GSE1: variants seen among roughly 807,000 people sequenced by gnomAD.
GSE1 encodes the protein Gse1 coiled-coil protein.
GSE1 carries 32 observed loss-of-function variants against 112.6 expected under a neutral mutation model. The ratio of observed to expected loss-of-function variants is 0.28; its 90% CI spans 0.21 to 0.38. The LOEUF is 0.38. Among genes scored for constraint, GSE1 ranks in the 10% least tolerant of loss-of-function variants. The pLI is 1.00. For synonymous variants in GSE1, 1,115 were observed against 735.6 expected, an observed-to-expected ratio of 1.52 and a Z score of -8.35; for missense variants, 2,348 against 1,699.2, an observed-to-expected ratio of 1.38 and a Z score of -6.71.
At position 85,204,871 on chromosome 16, in the gene GSE1, G is replaced by A. The variant is rs111816756; in HGVS notation, c.2283+33064G>A. Among the ~76,000 whole-genome samples the A allele has an allele frequency of 4.0e-3, 605 of 152,312 alleles. 3 individuals carry two copies. Among genetic ancestry groups the A allele is most frequent in the African/African-American group, 0.014 (577 of 41,554 alleles). ...TGTGCTCACAGCTGTTTACAGGGTC[G>A]TCCGCCTAGGGCCTGGGACTGGGGA... On this transcript the variant is annotated intron_variant, in intron 1 of 2. Coordinates refer to the GSE1 transcript ENST00000637419.
chr16:85,274,766 G>A (rs754217160), intron 1 of GSE1, among the ~76,000 whole-genome samples: 3 of 152,228 alleles, frequency 2.0e-5, no homozygotes, highest in East Asian at 1.9e-4. Flanking sequence ...CAGCCTGCAC[G>A]TCCAGCCACT....
chr16:85,613,363 C>T lies in GSE1; in HGVS notation c.-29C>T, dbSNP rs766811967. On this transcript the variant is annotated 5_prime_UTR_variant, in exon 1 of 16. It introduces an in-frame stop codon into an upstream open reading frame of the 5' UTR. Transcript: ENST00000253458. ...GGGCGACGGTGGCTCCAGCATGTAT[C>T]AGCCGAGGTGGAGCTGCGGGGCCCT... is the stretch of plus-strand genomic sequence containing the variant. 181 of 1,569,528 alleles carry T rather than the reference C, an allele frequency of 1.2e-4. No individual in the cohort carries two copies. The highest frequency in any genetic ancestry group is 1.5e-4 in the Non-Finnish European group (170 of 1,158,386).
At chr16:85,475,676 AG>A (rs2050429619) in intron 2 of GSE1, among the ~76,000 whole-genome samples, 1 of 152,150 alleles carries the variant, frequency 6.6e-6, no homozygotes, top group South Asian at 2.1e-4. Context: ...GAAATTTCCC[AG>A]GCCAGGGGCC....
At chr16:85,358,894 G>A (rs985250663) in intron 2 of GSE1, among the ~76,000 whole-genome samples, 2 of 152,242 alleles carry the variant, frequency 1.3e-5, no homozygotes, top group Admixed American at 6.5e-5. Context: ...CATTGTCGGG[G>A]AGGAATGGCT....
intron 2 of GSE1, among the ~76,000 whole-genome samples, chr16:85,518,154 C>T (rs552212338): frequency 3.3e-5 from 5 of 152,360 alleles, no homozygotes; most frequent in South Asian, 2.1e-4. Context: ...GCCCCGCCAT[C>T]CCCGGCCACC....
chr16:85,478,893 TTCTTTCTTTC>T (rs1567520507), intron 2 of GSE1, among the ~76,000 whole-genome samples: 64 of 78,242 alleles, frequency 8.2e-4, no homozygotes, highest in Middle Eastern at 5.3e-3. Flanking sequence ...CTTTCTTTCT[TTCTTTCTTTC>T]TTTCTTTCTT....
At chr16:85,527,452 G>A (rs2052400318) in intron 2 of GSE1, among the ~76,000 whole-genome samples, 1 of 152,288 alleles carries the variant, frequency 6.6e-6, no homozygotes, top group African/African-American at 2.4e-5. Context: ...TGAGGACAAA[G>A]GCCACATGCC....
chr16:85,653,696 G>A (rs1437977287), intron 3 of GSE1, among the ~76,000 whole-genome samples: 1 of 152,094 alleles, frequency 6.6e-6, no homozygotes, highest in Non-Finnish European at 1.5e-5. Flanking sequence ...CCAGGGCCAG[G>A]GCCACCCCAG....
intron 1 of GSE1, among the ~76,000 whole-genome samples, chr16:85,562,183 G>A (rs533955040): frequency 6.6e-5 from 10 of 150,892 alleles, no homozygotes; most frequent in South Asian, 4.1e-4. Flanking sequence ...GAAACTCAGC[G>A]GGGACAGGCA....
At chr16:85,223,024 TTTTG>T (rs1296311515) in intron 1 of GSE1, among the ~76,000 whole-genome samples, 3 of 152,168 alleles carry the variant, frequency 2.0e-5, no homozygotes, top group Non-Finnish European at 4.4e-5. Context: ...TTCCCTCTAG[TTTTG>T]TTTTTTTCTG....
intron 2 of GSE1, among the ~76,000 whole-genome samples, chr16:85,521,500 T>G (rs2052184690): frequency 2.0e-5 from 3 of 152,128 alleles, no homozygotes; most frequent in Admixed American, 6.5e-5. Flanking sequence ...TAGGCCAGGG[T>G]TTCAGGCCCA....
In GSE1 at chr16:85,673,543, G is replaced by A. The variant is rs1182541965; in HGVS notation, c.*1004G>A. On this transcript the variant is annotated 3_prime_UTR_variant, in exon 16 of 16. Coordinates refer to ENST00000253458, the MANE Select transcript of GSE1 (RefSeq NM_014615.5). ...CTGCTGGTCAGGACATTAAAATATT[G>A]AAGTGTTTTTAAAAATTAAAGAAGA... is the stretch of plus-strand genomic sequence containing the variant. 1 of 149,242 alleles carries A rather than the reference G, an allele frequency of 6.7e-6. No individual in the cohort carries two copies. Among genetic ancestry groups the A allele is most frequent in the Non-Finnish European group, 1.5e-5 (1 of 67,486 alleles). 9.2% of individuals were successfully genotyped at this position (149,242 alleles called of 1,614,324 possible).
At chr16:85,229,175 T>A (rs144248618) in intron 1 of GSE1, among the ~76,000 whole-genome samples, 3 of 152,224 alleles carry the variant, frequency 2.0e-5, no homozygotes, top group African/African-American at 7.2e-5. Context: ...CTTTGTGGGT[T>A]CCAGCTGAGA....
intron 2 of GSE1, among the ~76,000 whole-genome samples, chr16:85,370,971 G>T (rs2047285759): frequency 6.6e-6 from 1 of 152,250 alleles, no homozygotes. Context: ...GGCTGGGAGG[G>T]CAGGAGGAGG....
At chr16:85,204,834 C>A (rs1346787354) in intron 1 of GSE1, among the ~76,000 whole-genome samples, 1 of 152,212 alleles carries the variant, frequency 6.6e-6, no homozygotes, top group Non-Finnish European at 1.5e-5. Context: ...ACCCAGCCAG[C>A]CAAGGGTGCT....
chr16:85,583,941 G>A (rs1308178393), intron 1 of GSE1, among the ~76,000 whole-genome samples: 1 of 152,196 alleles, frequency 6.6e-6, no homozygotes, highest in African/African-American at 2.4e-5. Context: ...ACAAAACGCT[G>A]TTTCAAAGCC....
chr16:85,455,227 G>C (rs965102845), intron 2 of GSE1, among the ~76,000 whole-genome samples: 1 of 152,270 alleles, frequency 6.6e-6, no homozygotes, highest in South Asian at 2.1e-4. Flanking sequence ...CAGAGACTCT[G>C]AAGCTCCACT....
intron 1 of GSE1, among the ~76,000 whole-genome samples, chr16:85,312,559 C>T (rs78952982): frequency 0.011 from 1,602 of 152,286 alleles, 18 homozygotes; most frequent in Non-Finnish European, 0.015. Flanking sequence ...GATTTGGGTG[C>T]ATTTAGGCTG....
Position 85,648,754 on chromosome 16 carries a change from G to T in GSE1, c.426+3G>T. The T allele has an allele frequency of 6.4e-7, 1 of 1,570,078 alleles. No individual in the cohort carries two copies. Among genetic ancestry groups the T allele is most frequent in the Non-Finnish European group, 8.6e-7 (1 of 1,157,062 alleles). ...TCTGGAGGAGTGAGAGCCGGCAGGTGAGTGGGGCGGGGCAGGGAGCCTAGC... is the reference window on the plus strand; with the variant it reads ...TCTGGAGGAGTGAGAGCCGGCAGGTTAGTGGGGCGGGGCAGGGAGCCTAGC... On this transcript the variant is annotated splice_donor_region_variant and intron_variant, in intron 3 of 15. Coordinates refer to ENST00000253458, the MANE Select transcript of GSE1 (RefSeq NM_014615.5).
Sources: gnomAD v4.1 joint callset for allele counts (sites outside exome capture counted in the v4.1 genomes callset) on GRCh38, gnomAD v4.1.1 for gene constraint, MANE v1.5 for transcripts, NCBI Gene and HGNC (gene_info 2026-07-23, HGNC 2026-07-21) for gene names.